The following SH3BP5 variants were observed in gnomAD, a reference collection of about 807,000 sequenced individuals.
SH3BP5 encodes the protein SH3 domain-binding protein 5.
SH3BP5 carries 22 observed loss-of-function variants against 43.3 expected under a neutral mutation model. That is an observed-to-expected ratio of 0.51 (90% CI 0.36 to 0.73). The LOEUF (loss-of-function observed/expected upper bound fraction) is 0.73, where lower values mean the gene tolerates loss of function less well. SH3BP5 is among the 30% of genes least tolerant of loss of function. SH3BP5 has a pLI of 0.00. For synonymous variants in SH3BP5, 255 were observed against 225.8 expected, an observed-to-expected ratio of 1.13 and a Z score of -1.16; for missense variants, 529 against 586.9, an observed-to-expected ratio of 0.90 and a Z score of 1.02.
intron 3 of SH3BP5, among the ~76,000 whole-genome samples, chr3:15,295,761 T>C (rs1237849745): frequency 6.6e-6 from 1 of 152,132 alleles, no homozygotes; most frequent in Admixed American, 6.5e-5. Context: ...ATGGAAAAGA[T>C]GAAAACATGG....
chr3:15,318,168 A>C (rs961545378), intron 2 of SH3BP5, among the ~76,000 whole-genome samples: 2 of 152,244 alleles, frequency 1.3e-5, no homozygotes, highest in Non-Finnish European at 2.9e-5. Flanking sequence ...CACTTAGCAC[A>C]AAACTTAGCA....
chr3:15,256,506 T>C (rs1172670340), intron 8 of SH3BP5: 1 of 625,232 alleles, frequency 1.6e-6, no homozygotes, highest in African/African-American at 1.8e-5. Flanking sequence ...CATTTACTGC[T>C]TTTATTCCTT....
At chr3:15,327,861 C>T (rs1156272761) in intron 2 of SH3BP5, among the ~76,000 whole-genome samples, 3 of 152,042 alleles carry the variant, frequency 2.0e-5, no homozygotes, top group African/African-American at 7.3e-5. Context: ...TGAAATGTGC[C>T]CTAAGTGTAA....
At chr3:15,315,217 C>T (rs187163111) in intron 2 of SH3BP5, among the ~76,000 whole-genome samples, 2 of 151,770 alleles carry the variant, frequency 1.3e-5, no homozygotes, top group Admixed American at 6.6e-5. Flanking sequence ...CCAACTGAAA[C>T]ATGTGGTTTC....
chr3:15,272,308 T>C (rs1366625518), intron 3 of SH3BP5, among the ~76,000 whole-genome samples: 1 of 152,148 alleles, frequency 6.6e-6, no homozygotes, highest in South Asian at 2.1e-4. Context: ...GAACCAAGCA[T>C]GGAGTGGACA....
chr3:15,304,814 CAAAA>C (rs11358968), intron 2 of SH3BP5, among the ~76,000 whole-genome samples: 4 of 80,146 alleles, frequency 5.0e-5, no homozygotes, highest in African/African-American at 4.7e-5. Flanking sequence ...GACTCTGTCT[CAAAA>C]AAAAAAAAAA....
rs1366918966 is a variant in SH3BP5 at position 15,254,743 on chromosome 3, A to ATGAT, written c.*1339_*1342dup. ...TGTTCATGACCTTAATTAATTGAAAATGATTACTGGTGACCACAGCACTCC... is the reference window on the plus strand; with the variant it reads ...TGTTCATGACCTTAATTAATTGAAAATGATTGATTACTGGTGACCACAGCACTCC... On this transcript the variant is annotated 3_prime_UTR_variant, in exon 9 of 9. Coordinates refer to ENST00000383791, the MANE Select transcript of SH3BP5 (RefSeq NM_004844.5). 1.3e-5 allele frequency: 2 copies of ATGAT among 152,236 alleles called. No homozygotes were observed. The highest frequency in any genetic ancestry group is 2.9e-5 in the Non-Finnish European group (2 of 68,046). 9.4% of individuals were successfully genotyped at this position (152,236 alleles called of 1,614,324 possible).
intron 3 of SH3BP5, among the ~76,000 whole-genome samples, chr3:15,273,588 A>G (rs1166808414): frequency 1.3e-5 from 2 of 152,170 alleles, no homozygotes; most frequent in Admixed American, 1.3e-4. Flanking sequence ...CATTTAACCC[A>G]CAGAAACCAG....
chr3:15,318,190 T>G (rs961165543), intron 2 of SH3BP5, among the ~76,000 whole-genome samples: 1 of 152,154 alleles, frequency 6.6e-6, no homozygotes, highest in African/African-American at 2.4e-5. Flanking sequence ...ATAATAACCT[T>G]TCACAAAATA....
chr3:15,266,866 G>T (rs1218389651), intron 4 of SH3BP5, among the ~76,000 whole-genome samples: 2 of 152,260 alleles, frequency 1.3e-5, no homozygotes, highest in African/African-American at 4.8e-5. Flanking sequence ...ACCACAGGAA[G>T]TGTGAGGGGC....
In SH3BP5 at chr3:15,328,596, C is replaced by T. The variant is rs147223884; in HGVS notation, c.201+1908G>A. ...AAGCTTAAAGATATGAAAAATTAGC[C>T]AGGTATGGTGGCATGCACCTGTAGT... On this transcript the variant is annotated intron_variant, in intron 2 of 8. Coordinates refer to ENST00000383791, the MANE Select transcript of SH3BP5 (RefSeq NM_004844.5). Among the ~76,000 whole-genome samples, 65 of 152,120 alleles carry T rather than the reference C, an allele frequency of 4.3e-4. No individual in the cohort carries two copies. In the East Asian group the frequency reaches 8.3e-3, roughly 19 times the overall value.
chr3:15,303,391 A>G (rs1268565218), intron 3 of SH3BP5, among the ~76,000 whole-genome samples: 1 of 152,210 alleles, frequency 6.6e-6, no homozygotes, highest in Non-Finnish European at 1.5e-5. Flanking sequence ...GTAACTGTTG[A>G]GGGCTCTTTA....
chr3:15,307,786 C>T (rs564018634), intron 2 of SH3BP5, among the ~76,000 whole-genome samples: 1 of 152,352 alleles, frequency 6.6e-6, no homozygotes, highest in South Asian at 2.1e-4. Context: ...CGGTCACCTC[C>T]CTGGTGGTGG....
chr3:15,319,694 C>T (rs1698272543), intron 2 of SH3BP5, among the ~76,000 whole-genome samples: 1 of 152,188 alleles, frequency 6.6e-6, no homozygotes, highest in African/African-American at 2.4e-5. Flanking sequence ...AAGTACCACA[C>T]TAGAAAGGTC....
In SH3BP5 at chr3:15,332,570, G is replaced by C; in HGVS notation, c.-162C>G. 8.2e-7 allele frequency: 1 copy of C among 1,226,966 alleles called. No homozygotes were observed. The highest frequency in any genetic ancestry group is 1.6e-5 in the African/African-American group (1 of 63,304). The allele number at this position is 1,226,966 out of a possible 1,614,324, so 76.0% of individuals were successfully genotyped here. On this transcript the variant is annotated 5_prime_UTR_variant, in exon 1 of 9. Transcript: ENST00000383791. Reference sequence around the variant, plus strand: ...CAGCTCGCCGATGCGGATACCTCCGGCCGCGGCGGAGCAGAGGAAATGGGC... The same window carrying C: ...CAGCTCGCCGATGCGGATACCTCCGCCCGCGGCGGAGCAGAGGAAATGGGC...
chr3:15,279,775 GT>G (rs1243623507), intron 3 of SH3BP5, among the ~76,000 whole-genome samples: 1 of 152,068 alleles, frequency 6.6e-6, no homozygotes, highest in East Asian at 1.9e-4. Context: ...TGACTCAAGG[GT>G]TTCGGTTGGG....
intron 3 of SH3BP5, among the ~76,000 whole-genome samples, chr3:15,274,291 C>T (rs1358016128): frequency 6.6e-6 from 1 of 151,660 alleles, no homozygotes; most frequent in Non-Finnish European, 1.5e-5. Flanking sequence ...CCTGAGACTG[C>T]GTAATTTATA....
intron 7 of SH3BP5, chr3:15,258,595 A>T: frequency 1.8e-6 from 1 of 555,912 alleles, no homozygotes; most frequent in Non-Finnish European, 3.2e-6. Context: ...CTCAAAGAGG[A>T]GTGAAGGTGT....
intron 2 of SH3BP5, among the ~76,000 whole-genome samples, chr3:15,327,615 G>A (rs1698497277): frequency 1.3e-5 from 2 of 152,202 alleles, no homozygotes; most frequent in South Asian, 4.1e-4. Flanking sequence ...ATTACCACCA[G>A]TAATTATTAC....
Sources: allele counts gnomAD v4.1 joint callset (sites outside exome capture counted in the v4.1 genomes callset), GRCh38; gene constraint gnomAD v4.1.1; transcripts MANE v1.5; gene names NCBI Gene and HGNC (gene_info 2026-07-23, HGNC 2026-07-21).